GSTA5: variants seen among roughly 807,000 people sequenced by gnomAD.
GSTA5 encodes the protein glutathione S-transferase A5.
A neutral mutation model predicts 21.8 loss-of-function variants in GSTA5; 25 were observed. The observed-to-expected ratio is 1.14, with a 90% confidence interval of 0.83 to 1.60. The LOEUF (loss-of-function observed/expected upper bound fraction) is 1.60. Ranked by LOEUF, GSTA5 falls within the 40% of genes most tolerant of loss-of-function variation. GSTA5 has a pLI of 0.00. For synonymous variants in GSTA5, 102 were observed against 89.5 expected, an observed-to-expected ratio of 1.14 and a Z score of -0.78; for missense variants, 330 against 259.2, an observed-to-expected ratio of 1.27 and a Z score of -1.88.
chr6:52,835,825 G>A (rs1294345527), intron 3 of GSTA5, among the ~76,000 whole-genome samples: 5 of 152,192 alleles, frequency 3.3e-5, no homozygotes, highest in Non-Finnish European at 4.4e-5. Context: ...ACTGGGACCT[G>A]AGATTCAGCT....
At chr6:52,832,142 A>T (rs1431543053) in intron 5 of GSTA5, among the ~76,000 whole-genome samples, 172 bp from the exon 6 acceptor site, 1 of 152,174 alleles carries the variant, frequency 6.6e-6, no homozygotes, top group Non-Finnish European at 1.5e-5. Context: ...GAGGAATAAC[A>T]TGTAGCTCAC....
upstream of GSTA5, among the ~76,000 whole-genome samples, chr6:52,845,782 C>T (rs1764445508): frequency 6.6e-6 from 1 of 152,132 alleles, no homozygotes; most frequent in African/African-American, 2.4e-5. Flanking sequence ...GTTTAAAATG[C>T]TACCATTTCT....
chr6:52,832,742 G>C (rs1255146837), intron 5 of GSTA5, 117 bp downstream of exon 5: 4 of 1,518,838 alleles, frequency 2.6e-6, no homozygotes, highest in Admixed American at 1.7e-5. Flanking sequence ...GGAGACCTTG[G>C]GGGCACTGAA....
chr6:52,842,406 CTTT>C (rs3063633), upstream of GSTA5, among the ~76,000 whole-genome samples: 1 of 128,800 alleles, frequency 7.8e-6, no homozygotes, highest in Admixed American at 8.5e-5. Flanking sequence ...TAATGTATTT[CTTT>C]TTTTTTTTTT....
At chr6:52,845,713 T>C (rs1386560263), upstream of GSTA5, among the ~76,000 whole-genome samples, 1 of 152,354 alleles carries the variant, frequency 6.6e-6, no homozygotes, top group East Asian at 1.9e-4. Context: ...ACTACTTATA[T>C]AGAGAAAGAA....
chr6:52,832,728 T>C, intron 5 of GSTA5, 131 bp downstream of exon 5: 1 of 1,447,346 alleles, frequency 6.9e-7, no homozygotes, highest in Non-Finnish European at 9.5e-7. Flanking sequence ...TGGAAGCTCA[T>C]TTTGGAGACC....
exon 5 of GSTA5, chr6:52,832,983 T>C: frequency 2.5e-6 from 4 of 1,614,036 alleles, no homozygotes; most frequent in Non-Finnish European, 2.5e-6. Context: ...TCTGTGGCTC[T>C]TTAAGACCTG....
At chr6:52,833,674 C>T (rs1298704742) in intron 4 of GSTA5, among the ~76,000 whole-genome samples, 2 of 152,180 alleles carry the variant, frequency 1.3e-5, no homozygotes, top group Admixed American at 1.3e-4. Context: ...AGTCACTCTC[C>T]TTTTAAAAAA....
At chr6:52,837,286 C>T (rs576924244) in intron 2 of GSTA5, among the ~76,000 whole-genome samples, 5 of 152,250 alleles carry the variant, frequency 3.3e-5, no homozygotes, top group African/African-American at 4.8e-5. Flanking sequence ...AGCTCACTGA[C>T]GGTCCCCCAA....
chr6:52,833,102 T>C (rs977240198), intron 4 of GSTA5, 112 bp from the exon 5 acceptor site: 1 of 1,206,010 alleles, frequency 8.3e-7, no homozygotes. Context: ...CCTTATTGCA[T>C]GGGTGCAGAA....
chr6:52,843,846 T>A (rs919482594), upstream of GSTA5, among the ~76,000 whole-genome samples: 1 of 152,204 alleles, frequency 6.6e-6, no homozygotes, highest in African/African-American at 2.4e-5. Flanking sequence ...GAGAATCATG[T>A]TTCAAAAGGA....
At chr6:52,833,460 C>T (rs533830079) in intron 4 of GSTA5, among the ~76,000 whole-genome samples, 3 of 152,282 alleles carry the variant, frequency 2.0e-5, no homozygotes, top group Non-Finnish European at 4.4e-5. Context: ...TCCTTGTCTG[C>T]CCTCCTCATT....
chr6:52,837,296 A>G (rs1450374826), intron 2 of GSTA5, among the ~76,000 whole-genome samples: 3 of 152,166 alleles, frequency 2.0e-5, no homozygotes, highest in Non-Finnish European at 1.5e-5. Flanking sequence ...CGGTCCCCCA[A>G]GCATGAAAAC....
intron 5 of GSTA5, 90 bp downstream of exon 5, chr6:52,832,769 G>C: frequency 1.3e-6 from 2 of 1,585,186 alleles, no homozygotes; most frequent in Non-Finnish European, 1.7e-6. Flanking sequence ...GAGAAGGGTG[G>C]GGTCAAAACA....
upstream of GSTA5, among the ~76,000 whole-genome samples, chr6:52,842,482 T>C (rs1045234566): frequency 6.7e-6 from 1 of 149,984 alleles, no homozygotes; most frequent in African/African-American, 2.5e-5. Flanking sequence ...TCTCAGCTCA[T>C]GCAACTTTAG....
At chr6:52,841,176 C>T (rs1411871369), upstream of GSTA5, among the ~76,000 whole-genome samples, 4 of 152,138 alleles carry the variant, frequency 2.6e-5, no homozygotes, top group Non-Finnish European at 5.9e-5. Flanking sequence ...CAATGCTAGT[C>T]CCTTTCAATA....
upstream of GSTA5, chr6:52,840,881 A>C: frequency 7.1e-7 from 1 of 1,417,146 alleles, no homozygotes; most frequent in Non-Finnish European, 9.8e-7. Context: ...GATAGAATCA[A>C]AAATGTACTT....
upstream of GSTA5, among the ~76,000 whole-genome samples, chr6:52,841,286 C>T (rs1764374890): frequency 6.6e-6 from 1 of 152,136 alleles, no homozygotes; most frequent in South Asian, 2.1e-4. Flanking sequence ...TGTTCACAGT[C>T]ACACTCTGGT....
At chr6:52,836,236 A>G (rs1261795558) in exon 3 of GSTA5, 1 of 1,612,980 alleles carries the variant, frequency 6.2e-7, no homozygotes, top group Admixed American at 1.7e-5. Flanking sequence ...TATACCATAC[A>G]GGGCTCTCTC....
Sources: allele counts gnomAD v4.1 joint callset (sites outside exome capture counted in the v4.1 genomes callset), GRCh38; gene constraint gnomAD v4.1.1; transcripts MANE v1.5; gene names NCBI Gene and HGNC (gene_info 2026-07-23, HGNC 2026-07-21).